The following NDUFAF7 variants were observed in gnomAD, a reference collection of about 807,000 sequenced individuals.
The protein encoded by NDUFAF7 is protein arginine methyltransferase NDUFAF7, mitochondrial.
NDUFAF7 carries 48 observed loss-of-function variants against 47.2 expected under a neutral mutation model. That is an observed-to-expected ratio of 1.02 (90% CI 0.81 to 1.29). The LOEUF (loss-of-function observed/expected upper bound fraction) is 1.29, where lower values mean the gene tolerates loss of function less well. Ranked by LOEUF, NDUFAF7 falls within the 50% of genes most tolerant of loss-of-function variation. The pLI, the probability that NDUFAF7 is intolerant of heterozygous loss-of-function variation, is 0.00. For synonymous variants in NDUFAF7, 217 were observed against 190.0 expected, an observed-to-expected ratio of 1.14 and a Z score of -1.17; for missense variants, 635 against 537.6, an observed-to-expected ratio of 1.18 and a Z score of -1.79.
chr2:37,267,404 A>C, the NDUFAF7 span: 18 of 1,464,064 alleles, frequency 1.2e-5, no homozygotes, highest in Middle Eastern at 2.2e-4. Context: ...TCTTTAATAA[A>C]CCAGTTTTTT....
At chr2:37,243,622 G>C (rs1404574989) in intron 6 of NDUFAF7, among the ~76,000 whole-genome samples, 1 of 152,036 alleles carries the variant, frequency 6.6e-6, no homozygotes, top group Admixed American at 6.6e-5. Context: ...CCGTTTTTGG[G>C]GTACTTTCCA....
chr2:37,247,719 C>G (rs901931526), intron 9 of NDUFAF7, 90 bp downstream of exon 9: 2 of 1,436,376 alleles, frequency 1.4e-6, no homozygotes, highest in African/African-American at 2.8e-5. Context: ...CCTTAATGCT[C>G]TTGTAGTTAG....
At chr2:37,236,049 C>G in intron 2 of NDUFAF7, 47 bp from the exon 3 acceptor site, 1 of 1,444,546 alleles carries the variant, frequency 6.9e-7, no homozygotes, top group Non-Finnish European at 9.7e-7. Flanking sequence ...TTTTAAAAGG[C>G]TTATTTGAAA....
the NDUFAF7 span, chr2:37,268,584 C>T: frequency 4.2e-6 from 1 of 236,240 alleles, no homozygotes; most frequent in African/African-American, 2.3e-5. Flanking sequence ...AGCAGGAGTA[C>T]CAAAGGGGAA....
chr2:37,261,414 G>T, the NDUFAF7 span, among the ~76,000 whole-genome samples: 1 of 151,812 alleles, frequency 6.6e-6, no homozygotes, highest in Non-Finnish European at 1.5e-5. Context: ...TTGAACCTGG[G>T]AGGTGGAGGC....
At position 37,243,970 on chromosome 2, in the gene NDUFAF7, A is replaced by G. The variant is rs753188292; in HGVS notation, c.789A>G (p.Ile263Met). ...APSATPAEAFIQHDETRDHVE... is the reference protein window; with the variant it reads ...APSATPAEAFMQHDETRDHVE... ...CTGCCACCCCAGCAGAAGCCTTCAT[A>G]CAAGTAAGAATATGCTTTTTTAAGT... The change falls in exon 7 of 10, where the codon ATA (isoleucine) becomes ATG (methionine). Residue 263 changes from isoleucine (I) to methionine (M), a missense_variant. Transcript: ENST00000002125. 7.0e-5 allele frequency: 113 copies of G among 1,605,304 alleles called. No homozygotes were observed. Among genetic ancestry groups the G allele is most frequent in the Admixed American group, 1.8e-4 (11 of 59,884 alleles).
chr2:37,241,822 AT>A, intron 5 of NDUFAF7, 31 bp downstream of exon 5: 6 of 1,587,972 alleles, frequency 3.8e-6, no homozygotes, highest in Non-Finnish European at 5.2e-6. Flanking sequence ...TAATGAAAGA[AT>A]TTTGATCACA....
At chr2:37,256,627 A>ATTTTTTTTTTTT (rs1385820838), downstream of NDUFAF7, 2 of 1,245,998 alleles carry the variant, frequency 1.6e-6, no homozygotes, top group Middle Eastern at 2.7e-4. Flanking sequence ...ACATAGCCAA[A>ATTTTTTTTTTTT]ATTTTTTTTT....
chr2:37,252,159 C>A (rs1254383356), downstream of NDUFAF7: 1 of 152,206 alleles, frequency 6.6e-6, no homozygotes, highest in Non-Finnish European at 1.5e-5. Context: ...CTCCAGATAT[C>A]TGCAAAGCCC....
chr2:37,249,955 A>G (rs917506759), downstream of NDUFAF7, among the ~76,000 whole-genome samples: 3 of 151,706 alleles, frequency 2.0e-5, no homozygotes, highest in Non-Finnish European at 4.4e-5. Flanking sequence ...TGTCCACACT[A>G]CATGGCCATG....
chr2:37,237,231 A>C (rs1237763072), intron 3 of NDUFAF7, among the ~76,000 whole-genome samples: 1 of 152,194 alleles, frequency 6.6e-6, no homozygotes, highest in African/African-American at 2.4e-5. Flanking sequence ...CAGCCTCCCA[A>C]AGTGCTGGGA....
At chr2:37,242,727 T>G (rs374808057) in intron 6 of NDUFAF7, 34 bp downstream of exon 6, 172 of 1,491,146 alleles carry the variant, frequency 1.2e-4, no homozygotes, top group Non-Finnish European at 8.6e-5. Flanking sequence ...TGTCTATAAT[T>G]GAATACAAAA....
the NDUFAF7 span, among the ~76,000 whole-genome samples, chr2:37,261,865 T>A: frequency 1.3e-5 from 2 of 152,242 alleles, no homozygotes; most frequent in African/African-American, 2.4e-5. Context: ...AAAAGTGGTA[T>A]GCATTCATTC....
At chr2:37,238,674 A>G (rs1029813645) in intron 4 of NDUFAF7, among the ~76,000 whole-genome samples, 1 of 152,130 alleles carries the variant, frequency 6.6e-6, no homozygotes, top group Non-Finnish European at 1.5e-5. Flanking sequence ...TTCTTGCTCT[A>G]CAAATAAACT....
rs1665945144 is a variant in NDUFAF7, at chr2:37,237,749, T to C, written c.298-8T>C. On this transcript the variant is annotated splice_region_variant and splice_polypyrimidine_tract_variant and intron_variant, in intron 3 of 9. Transcript: ENST00000002125. ...TTTAATATGTGTTTTTTTTTTCCCT[T>C]TTCACAGCTACTAGGTATATGGTTC... 1 of 1,565,542 alleles carries C rather than the reference T, an allele frequency of 6.4e-7. No individual in the cohort carries two copies. The highest frequency in any genetic ancestry group is 8.8e-7 in the Non-Finnish European group (1 of 1,136,088).
In NDUFAF7 at chr2:37,247,369, G is replaced by A. The variant is rs77710437; in HGVS notation, c.937-87G>A. ...CTATTCCGTCACCTCAAGCATTAAT[G>A]TAAATATTAAATAACTTTAATATGA... On this transcript the variant is annotated intron_variant, in intron 8 of 9. Transcript: ENST00000002125. 3.4e-3 allele frequency: 5,051 copies of A among 1,464,458 alleles called. 297 individuals are homozygous for A. In the East Asian group the frequency reaches 0.11, roughly 31 times the overall value. 90.7% of individuals were successfully genotyped at this position (1,464,458 alleles called of 1,614,324 possible). A position where few individuals can be genotyped will look rare whatever the true frequency, so the allele number is the denominator to read the frequency against.
At chr2:37,239,831 G>A (rs1666174038) in intron 4 of NDUFAF7, among the ~76,000 whole-genome samples, 1 of 152,148 alleles carries the variant, frequency 6.6e-6, no homozygotes, top group South Asian at 2.1e-4. Flanking sequence ...AATATATTTA[G>A]TAACATTTAT....
rs1447636328 is a variant in NDUFAF7 at position 37,246,193 on chromosome 2, A to C, written c.934A>C (p.Arg312=). 1.9e-6 allele frequency: 3 copies of C among 1,613,634 alleles called. No individual in the cohort carries two copies. The Admixed American group carries it at 5.0e-5, about 27-fold the overall frequency. ...TGATGGAACAAAGACAGATACCTTC[A>C]GAGTATGTATAATTCAGTAACATGA... ...GHDGTKTDTF[R]GFCDHKLHDV... Residue 312 remains arginine (R), a splice_region_variant and synonymous_variant, in exon 8 of 10, where the codon AGA becomes CGA. Transcript: ENST00000002125.
intron 4 of NDUFAF7, among the ~76,000 whole-genome samples, chr2:37,239,077 T>C (rs899521861): frequency 2.0e-5 from 3 of 151,852 alleles, no homozygotes; most frequent in Non-Finnish European, 2.9e-5. Flanking sequence ...TCTCATATAC[T>C]GCTTGTAAAA....
Sources: allele counts gnomAD v4.1 joint callset (sites outside exome capture counted in the v4.1 genomes callset), GRCh38; gene constraint gnomAD v4.1.1; transcripts MANE v1.5; gene names NCBI Gene and HGNC (gene_info 2026-07-23, HGNC 2026-07-21).